Variants in POU6F2 observed in about 807,000 individuals in gnomAD.
POU6F2 encodes POU class 6 homeobox 2, also known as POU domain, class 6, transcription factor 2.
In POU6F2, 31 loss-of-function variants were observed where a neutral mutation model predicts 71.3. The observed-to-expected ratio is 0.43, with a 90% CI of 0.33 to 0.59. The LOEUF is 0.59. POU6F2 is among the 20% of genes least tolerant of loss of function. The pLI, the probability that POU6F2 is intolerant of heterozygous loss-of-function variation, is 0.04. For synonymous variants in POU6F2, 347 were observed against 355.7 expected, an observed-to-expected ratio of 0.98 and a Z score of 0.27; for missense variants, 783 against 856.8, an observed-to-expected ratio of 0.91 and a Z score of 1.07.
At chr7:39,404,154 G>T (rs1334395864) in intron 5 of POU6F2, among the ~76,000 whole-genome samples, 5 of 152,188 alleles carry the variant, frequency 3.3e-5, no homozygotes, top group African/African-American at 1.2e-4. Context: ...TATATTTGTG[G>T]TTGCCAAGGC....
intron 5 of POU6F2, among the ~76,000 whole-genome samples, chr7:39,342,937 G>T (rs1038477944): frequency 6.6e-6 from 1 of 152,182 alleles, no homozygotes; most frequent in Non-Finnish European, 1.5e-5. Flanking sequence ...CAGGTAGGGG[G>T]ATCACTTTGT....
chr7:39,380,732 T>C (rs1227719018), intron 5 of POU6F2, among the ~76,000 whole-genome samples: 1 of 152,238 alleles, frequency 6.6e-6, no homozygotes, highest in Non-Finnish European at 1.5e-5. Flanking sequence ...GCCGAAGTGC[T>C]GCTCCTGCCT....
chr7:39,047,912 G>A (rs181809059), intron 1 of POU6F2, among the ~76,000 whole-genome samples: 138 of 151,988 alleles, frequency 9.1e-4, no homozygotes, highest in Middle Eastern at 3.4e-3. Flanking sequence ...GATTGGTTTG[G>A]TTTGCTAATT....
chr7:39,431,477 C>T (rs1414187489), intron 6 of POU6F2, among the ~76,000 whole-genome samples: 1 of 152,166 alleles, frequency 6.6e-6, no homozygotes, highest in Non-Finnish European at 1.5e-5. Context: ...AAGCACTGCT[C>T]AGGGTATTGT....
chr7:39,433,593 A>T (rs1788163072), intron 7 of POU6F2, among the ~76,000 whole-genome samples: 1 of 152,242 alleles, frequency 6.6e-6, no homozygotes, highest in African/African-American at 2.4e-5. Flanking sequence ...TCAGATTTTC[A>T]AAATGAGGTC....
At chr7:39,202,961 C>G (rs1395628611) in intron 2 of POU6F2, among the ~76,000 whole-genome samples, 1 of 152,170 alleles carries the variant, frequency 6.6e-6, no homozygotes, top group Non-Finnish European at 1.5e-5. Flanking sequence ...ACAAATTAAT[C>G]AGATTTTCAG....
intron 1 of POU6F2, among the ~76,000 whole-genome samples, chr7:39,008,760 C>T (rs1288471728): frequency 6.6e-6 from 1 of 151,198 alleles, no homozygotes; most frequent in African/African-American, 2.4e-5. Flanking sequence ...GTTTTCCCAG[C>T]ACCATTTATT....
chr7:39,367,660 GTATTGCACTTTGCTT>G (rs1178258464), intron 5 of POU6F2, among the ~76,000 whole-genome samples: 1 of 152,122 alleles, frequency 6.6e-6, no homozygotes, highest in Non-Finnish European at 1.5e-5. Flanking sequence ...ATACCTCGTT[GTATTGCACTTTGCTT>G]TATTGCTCTT....
chr7:39,119,487 G>A (rs575412586), intron 2 of POU6F2, among the ~76,000 whole-genome samples: 51 of 152,134 alleles, frequency 3.4e-4, no homozygotes, highest in Non-Finnish European at 5.3e-4. Flanking sequence ...TCAAATGGAA[G>A]GATGGTTGGA....
intron 4 of POU6F2, among the ~76,000 whole-genome samples, chr7:39,296,499 A>G (rs1412800614): frequency 6.6e-6 from 1 of 152,132 alleles, no homozygotes; most frequent in Non-Finnish European, 1.5e-5. Context: ...TCAAAATGCA[A>G]ATTTTAGCAT....
At chr7:39,155,140 A>G (rs1466570471) in intron 2 of POU6F2, among the ~76,000 whole-genome samples, 1 of 152,114 alleles carries the variant, frequency 6.6e-6, no homozygotes, top group Non-Finnish European at 1.5e-5. Context: ...CAAGCAGGCA[A>G]AACAAGATCA....
chr7:39,078,164 C>G (rs17171526), intron 1 of POU6F2, among the ~76,000 whole-genome samples: 4 of 152,022 alleles, frequency 2.6e-5, no homozygotes, highest in Non-Finnish European at 5.9e-5. Flanking sequence ...ATTAAACACG[C>G]TTTTATTGCC....
intron 4 of POU6F2, among the ~76,000 whole-genome samples, chr7:39,261,088 C>T (rs988492301): frequency 1.4e-4 from 22 of 151,990 alleles, no homozygotes; most frequent in African/African-American, 5.3e-4. Context: ...CACACACACA[C>T]ACACCCCACG....
chr7:39,187,780 G>C (rs1435524917), intron 2 of POU6F2, among the ~76,000 whole-genome samples: 1 of 152,200 alleles, frequency 6.6e-6, no homozygotes, highest in African/African-American at 2.4e-5. Context: ...GGGAGATTAC[G>C]CTGTTTCGGA....
chr7:39,023,973 G>A (rs1198557876), intron 1 of POU6F2, among the ~76,000 whole-genome samples: 3 of 152,140 alleles, frequency 2.0e-5, no homozygotes, highest in African/African-American at 7.2e-5. Flanking sequence ...GCTTAGGATT[G>A]ACTTGGAGAT....
At chr7:39,209,528 T>C (rs1794096785) in intron 4 of POU6F2, among the ~76,000 whole-genome samples, 1 of 152,114 alleles carries the variant, frequency 6.6e-6, no homozygotes, top group African/African-American at 2.4e-5. Context: ...AATCAGCTGG[T>C]TATAGGAAAA....
chr7:39,174,637 C>G lies in POU6F2; in HGVS notation c.278-29598C>G, dbSNP rs1562733866. On this transcript the variant is annotated intron_variant, in intron 2 of 9. Coordinates refer to ENST00000518318, the MANE Select transcript of POU6F2 (RefSeq NM_001370959.1). Reference sequence around the variant, plus strand: ...CTCCTTCCTTCACCCCATGGCTTGTCCCCTCTCTCCTCAGTCTTCACCTGA... The same window carrying G: ...CTCCTTCCTTCACCCCATGGCTTGTGCCCTCTCTCCTCAGTCTTCACCTGA... Among the ~76,000 whole-genome samples the G allele has an allele frequency of 2.6e-5, 4 of 152,054 alleles. No homozygotes were observed. The South Asian group carries it at 8.3e-4, about 32-fold the overall frequency.
intron 4 of POU6F2, among the ~76,000 whole-genome samples, chr7:39,331,319 G>A (rs1785643537): frequency 6.6e-6 from 1 of 152,130 alleles, no homozygotes; most frequent in Admixed American, 6.5e-5. Flanking sequence ...TTATATAGTA[G>A]TTCCATTTTA....
At chr7:39,453,269 A>G (rs1343740920) in intron 8 of POU6F2, among the ~76,000 whole-genome samples, 1 of 152,180 alleles carries the variant, frequency 6.6e-6, no homozygotes, top group Non-Finnish European at 1.5e-5. Context: ...AAAGTTAAGG[A>G]TAAAGTGAAT....
Sources: gnomAD v4.1 joint callset for allele counts (sites outside exome capture counted in the v4.1 genomes callset) on GRCh38, gnomAD v4.1.1 for gene constraint, MANE v1.5 for transcripts, NCBI Gene and HGNC (gene_info 2026-07-23, HGNC 2026-07-21) for gene names.